The following CD163L1 variants were observed in gnomAD, a reference collection of about 807,000 sequenced individuals.
CD163L1 encodes the protein CD163 molecule like 1, also known as scavenger receptor cysteine-rich type 1 protein M160.
Under a neutral mutation model 165.4 loss-of-function variants are expected in CD163L1, and 124 were observed. That is an observed-to-expected ratio of 0.75 (90% CI 0.65 to 0.87). The LOEUF (loss-of-function observed/expected upper bound fraction) is 0.87. CD163L1 is among the 40% of genes least tolerant of loss of function. The probability of loss-of-function intolerance (pLI) is 0.00; values close to 1 mark genes in which losing one functional copy is unlikely to be tolerated. For synonymous variants in CD163L1, 585 were observed against 662.2 expected (o/e 0.88, Z 1.79); for missense variants, 1,525 against 1,799.9 (o/e 0.85, Z 2.76).
At chr12:7,431,673 GT>G (rs1948631620) in intron 4 of CD163L1, among the ~76,000 whole-genome samples, 1 of 151,854 alleles carries the variant, frequency 6.6e-6, no homozygotes, top group Non-Finnish European at 1.5e-5. Flanking sequence ...GAGTTGATGG[GT>G]GCAGCAAACC....
chr12:7,327,194 T>C, the CD163L1 span: 4 of 1,352,264 alleles, frequency 3.0e-6, no homozygotes, highest in South Asian at 6.1e-5. Context: ...TAGCTCATTA[T>C]ATAGGTAGAA....
intron 4 of CD163L1, among the ~76,000 whole-genome samples, chr12:7,428,527 C>T (rs1948580970): frequency 6.6e-6 from 1 of 152,002 alleles, no homozygotes; most frequent in Non-Finnish European, 1.5e-5. Context: ...GTTCCTTTCT[C>T]CACTCAGAGT....
chr12:7,440,161 G>A lies in CD163L1; in HGVS notation c.124+993C>T, dbSNP rs754417053. On this transcript the variant is annotated intron_variant, in intron 2 of 19. Transcript: ENST00000313599. Reference sequence around the variant, plus strand: ...ACGTCCCGCTCAGGCTCCGCCGCCTGCTCTTGGCTCCGGGTAGCCGGCCAG... The same window carrying A: ...ACGTCCCGCTCAGGCTCCGCCGCCTACTCTTGGCTCCGGGTAGCCGGCCAG... Among the ~76,000 whole-genome samples, 99 of 152,382 alleles carry A rather than the reference G, an allele frequency of 6.5e-4. 1 individual carries two copies. The highest frequency in any genetic ancestry group is 1.2e-3 in the Non-Finnish European group (85 of 68,030).
intron 5 of CD163L1, among the ~76,000 whole-genome samples, chr12:7,406,271 C>A (rs1347890485): frequency 2.0e-5 from 3 of 152,030 alleles, no homozygotes; most frequent in Non-Finnish European, 4.4e-5. Flanking sequence ...TTTTGTTGCA[C>A]CAATTAGAAT....
At chr12:7,360,869 T>C (rs1565770290) in intron 18 of CD163L1, among the ~76,000 whole-genome samples, 2 of 152,156 alleles carry the variant, frequency 1.3e-5, no homozygotes, top group Non-Finnish European at 2.9e-5. Flanking sequence ...GGTTCGTATG[T>C]TGGATATTTT....
intron 14 of CD163L1, among the ~76,000 whole-genome samples, chr12:7,371,481 AAG>A (rs1217724228): frequency 6.6e-6 from 1 of 152,166 alleles, no homozygotes. Flanking sequence ...CAAATATAAA[AAG>A]AGCGCTAAAT....
At chr12:7,366,049 T>C (rs1029839989) in intron 18 of CD163L1, among the ~76,000 whole-genome samples, 1 of 152,120 alleles carries the variant, frequency 6.6e-6, no homozygotes, top group Non-Finnish European at 1.5e-5. Context: ...ATGTGGTATA[T>C]ATACGCACAC....
intron 8 of CD163L1, among the ~76,000 whole-genome samples, chr12:7,392,515 C>G (rs1271451579): frequency 2.0e-5 from 3 of 152,050 alleles, no homozygotes. Flanking sequence ...GTTAAAAGAA[C>G]TAGAGAAGCA....
In CD163L1 at chr12:7,347,596, T is replaced by A. The variant is rs750105724; in HGVS notation, c.*25-449A>T. Among the ~76,000 whole-genome samples, 2 of 152,104 alleles carry A rather than the reference T, an allele frequency of 1.3e-5. No individual in the cohort carries two copies. The highest frequency in any genetic ancestry group is 2.4e-5 in the African/African-American group (1 of 41,518). On this transcript the variant is annotated intron_variant, in intron 4 of 4. Transcript: ENST00000539726. The surrounding 1 kb of genome is among the most constrained non-coding windows in gnomAD (Gnocchi z 4.2). ...AGATCGAGACCACGTTGAAACCCCGTCTCTACTGAAAATACAAAAAAATTA... is the reference window on the plus strand; with the variant it reads ...AGATCGAGACCACGTTGAAACCCCGACTCTACTGAAAATACAAAAAAATTA...
intron 4 of CD163L1, among the ~76,000 whole-genome samples, chr12:7,426,176 CA>C (rs370251215): frequency 8.5e-5 from 13 of 152,158 alleles, no homozygotes; most frequent in African/African-American, 3.1e-4. Flanking sequence ...TCATTCTCAG[CA>C]AATTAACACA....
chr12:7,369,653 A>G lies in CD163L1; in HGVS notation c.3743T>C (p.Val1248Ala). The change falls in exon 15 of 20, where the codon GTG becomes GCG. Residue 1248 changes from valine to alanine, a missense_variant. Val to Ala is a moderately conservative substitution (Grantham distance 64). Coordinates refer to ENST00000313599, the MANE Select transcript of CD163L1 (RefSeq NM_174941.6). This position sits in a 1 kb window ranked among gnomAD's most constrained non-coding sequence, Gnocchi z 4.9. ...AGAGCACTCGGTGTCTCCTCCACGCACTCTTATTCTATCTACAAAGGCACA... is the reference window on the plus strand; with the variant it reads ...AGAGCACTCGGTGTCTCCTCCACGCGCTCTTATTCTATCTACAAAGGCACA... ...TWITCEDRIRVRGGDTECSGR... is the reference protein window; with the variant it reads ...TWITCEDRIRARGGDTECSGR... The G allele has an allele frequency of 1.2e-6, 2 of 1,611,526 alleles. No individual in the cohort carries two copies. Among genetic ancestry groups the G allele is most frequent in the East Asian group, 2.2e-5 (1 of 44,782 alleles).
chr12:7,382,770 C>T (rs1000353294), intron 8 of CD163L1, among the ~76,000 whole-genome samples: 1 of 152,198 alleles, frequency 6.6e-6, no homozygotes, highest in African/African-American at 2.4e-5. Context: ...CCAGCTCCCA[C>T]AAGATTGCAT....
Position 7,398,172 on chromosome 12 carries a change from C to A in CD163L1, c.1729+92G>T. On this transcript the variant is annotated intron_variant, in intron 7 of 19. Coordinates refer to ENST00000313599, the MANE Select transcript of CD163L1 (RefSeq NM_174941.6). This position sits in a 1 kb window ranked among gnomAD's most constrained non-coding sequence, Gnocchi z 4.5. ...AGAGTCATGGCCCCTCAATCAATTCCCACATGTAAGCCAGTTTATAGACCC... is the reference window on the plus strand; with the variant it reads ...AGAGTCATGGCCCCTCAATCAATTCACACATGTAAGCCAGTTTATAGACCC... 1 of 1,158,732 alleles carries A rather than the reference C, an allele frequency of 8.6e-7. No homozygotes were observed. Among genetic ancestry groups the A allele is most frequent in the Middle Eastern group, 2.0e-4 (1 of 4,968 alleles). 71.8% of individuals were successfully genotyped at this position (1,158,732 alleles called of 1,614,324 possible).
chr12:7,401,350 T>C (rs1457727560), intron 6 of CD163L1, among the ~76,000 whole-genome samples: 1 of 151,964 alleles, frequency 6.6e-6, no homozygotes, highest in Non-Finnish European at 1.5e-5. Flanking sequence ...AAATATTCAG[T>C]GTTAATATGA....
At chr12:7,352,374 G>A (rs1195920247), downstream of CD163L1, among the ~76,000 whole-genome samples, 4 of 152,096 alleles carry the variant, frequency 2.6e-5, no homozygotes, top group Non-Finnish European at 5.9e-5. Context: ...GAAACAACCA[G>A]TGGACTAGGA....
downstream of CD163L1, among the ~76,000 whole-genome samples, chr12:7,342,645 G>C (rs185006948): frequency 6.6e-6 from 1 of 152,240 alleles, no homozygotes; most frequent in Non-Finnish European, 1.5e-5. Context: ...TTTTCCTCCA[G>C]CCTTGGAGAG....
At chr12:7,380,670 G>C (rs1389221765) in intron 8 of CD163L1, among the ~76,000 whole-genome samples, 1 of 152,000 alleles carries the variant, frequency 6.6e-6, no homozygotes. Flanking sequence ...ACTACAAATT[G>C]GGTTCAGTGT....
At chr12:7,440,175 G>T (rs1948806824) in intron 2 of CD163L1, among the ~76,000 whole-genome samples, 1 of 152,346 alleles carries the variant, frequency 6.6e-6, no homozygotes, top group African/African-American at 2.4e-5. Flanking sequence ...TTGGCTCCGG[G>T]TAGCCGGCCA....
At chr12:7,384,484 C>G (rs571290618) in intron 8 of CD163L1, among the ~76,000 whole-genome samples, 15 of 151,992 alleles carry the variant, frequency 9.9e-5, no homozygotes, top group Non-Finnish European at 2.1e-4. Flanking sequence ...AATGTATTCT[C>G]CAAGGCACAT....
Sources: allele counts gnomAD v4.1 joint callset (sites outside exome capture counted in the v4.1 genomes callset), GRCh38; gene constraint gnomAD v4.1.1; non-coding constraint Gnocchi (gnomAD v3.1); transcripts MANE v1.5; gene names NCBI Gene and HGNC (gene_info 2026-07-23, HGNC 2026-07-21).